Variants in KCNQ3 observed in about 807,000 individuals in gnomAD.
KCNQ3 encodes potassium voltage-gated channel subfamily Q member 3, also known as potassium voltage-gated channel subfamily KQT member 3.
KCNQ3 carries 30 observed loss-of-function variants against 92.5 expected under a neutral mutation model. That is an observed-to-expected ratio of 0.32 (90% CI 0.24 to 0.44). KCNQ3 has a LOEUF of 0.44. Ranked by LOEUF, KCNQ3 falls within the 20% of genes least tolerant of loss-of-function variation. The pLI, the probability that KCNQ3 is intolerant of heterozygous loss-of-function variation, is 1.00. For synonymous variants in KCNQ3, 450 were observed against 468.8 expected (o/e 0.96, Z 0.52); for missense variants, 913 against 1,140.3 (o/e 0.80, Z 2.87).
intron 1 of KCNQ3, among the ~76,000 whole-genome samples, chr8:132,447,501 G>A (rs1439592347): frequency 6.6e-6 from 1 of 152,172 alleles, no homozygotes; most frequent in East Asian, 1.9e-4. Flanking sequence ...AAAAAAACAG[G>A]AGAAAGAAAA....
At chr8:132,249,100 T>C (rs140790410) in intron 1 of KCNQ3, among the ~76,000 whole-genome samples, 222 of 152,218 alleles carry the variant, frequency 1.5e-3, no homozygotes, top group Middle Eastern at 6.8e-3. Flanking sequence ...ACCTTTGCGG[T>C]GAGTGTTACA....
intron 4 of KCNQ3, among the ~76,000 whole-genome samples, chr8:132,178,108 T>C (rs1274712161): frequency 6.6e-6 from 1 of 152,208 alleles, no homozygotes; most frequent in East Asian, 1.9e-4. Flanking sequence ...TATTATAGTC[T>C]AGAGGAACAC....
At chr8:132,335,262 A>T (rs1376833903) in intron 1 of KCNQ3, among the ~76,000 whole-genome samples, 1 of 151,990 alleles carries the variant, frequency 6.6e-6, no homozygotes, top group African/African-American at 2.4e-5. Flanking sequence ...CCTGGTCTCA[A>T]TCTCTTGTCA....
intron 9 of KCNQ3, among the ~76,000 whole-genome samples, chr8:132,142,950 A>G (rs1424919875): frequency 2.0e-5 from 3 of 152,192 alleles, no homozygotes; most frequent in African/African-American, 7.2e-5. Context: ...TCTGCTTCAT[A>G]GAGGGTTAGG....
intron 1 of KCNQ3, among the ~76,000 whole-genome samples, chr8:132,206,766 TTTG>T (rs1161400450): frequency 6.6e-6 from 1 of 152,202 alleles, no homozygotes; most frequent in Non-Finnish European, 1.5e-5. Flanking sequence ...GGTTTTTCAT[TTTG>T]TTTAACTTTT....
chr8:132,151,224 C>G (rs988407195), intron 9 of KCNQ3, among the ~76,000 whole-genome samples: 1 of 152,088 alleles, frequency 6.6e-6, no homozygotes, highest in Admixed American at 6.6e-5. Context: ...AGCACATAAT[C>G]AAAACAAATT....
chr8:132,370,066 T>G (rs1467317204), intron 1 of KCNQ3, among the ~76,000 whole-genome samples: 3 of 152,162 alleles, frequency 2.0e-5, no homozygotes, highest in Non-Finnish European at 2.9e-5. Context: ...TGGCTGACTC[T>G]TATATTGTGA....
intron 1 of KCNQ3, among the ~76,000 whole-genome samples, chr8:132,197,838 T>C (rs1827345387): frequency 6.6e-6 from 1 of 152,080 alleles, no homozygotes; most frequent in Non-Finnish European, 1.5e-5. Flanking sequence ...TGATGTGAGG[T>C]TTCACTTTAA....
At chr8:132,273,625 ATTTTCT>A (rs1301963255) in intron 1 of KCNQ3, among the ~76,000 whole-genome samples, 4 of 151,932 alleles carry the variant, frequency 2.6e-5, no homozygotes, top group Non-Finnish European at 5.9e-5. Flanking sequence ...AGAAAATGGG[ATTTTCT>A]TTTCTAATGT....
chr8:132,330,402 T>G (rs1586932333), intron 1 of KCNQ3, among the ~76,000 whole-genome samples: 1 of 152,178 alleles, frequency 6.6e-6, no homozygotes, highest in East Asian at 1.9e-4. Flanking sequence ...TTAAATGCCA[T>G]TTGCTCGAGG....
Position 132,186,352 on chromosome 8 carries a change from A to G in KCNQ3, c.387-171T>C, listed in dbSNP as rs1341763218. 2.0e-5 allele frequency among the ~76,000 whole-genome samples: 3 copies of G among 152,236 alleles called. No homozygotes were observed. The East Asian group carries it at 5.8e-4, about 29-fold the overall frequency. ...CACGACAAACCTGCAAGGCAGGCGGAAACAATCATCCCAGTTAAATAAAAC... is the reference window on the plus strand; with the variant it reads ...CACGACAAACCTGCAAGGCAGGCGGGAACAATCATCCCAGTTAAATAAAAC... On this transcript the variant is annotated intron_variant, in intron 1 of 14. Coordinates refer to ENST00000388996, the MANE Select transcript of KCNQ3 (RefSeq NM_004519.4).
intron 1 of KCNQ3, among the ~76,000 whole-genome samples, chr8:132,441,504 A>G (rs2130837962): frequency 6.6e-6 from 1 of 152,328 alleles, no homozygotes; most frequent in African/African-American, 2.4e-5. Flanking sequence ...CCGTGAGCCG[A>G]GATCGCACCA....
intron 1 of KCNQ3, among the ~76,000 whole-genome samples, chr8:132,262,005 T>C (rs1282176814): frequency 6.6e-6 from 1 of 152,184 alleles, no homozygotes; most frequent in Admixed American, 6.5e-5. Context: ...TATGTCCATA[T>C]GATGAATTCT....
chr8:132,300,972 C>T (rs1178514790), intron 1 of KCNQ3, among the ~76,000 whole-genome samples: 1 of 152,142 alleles, frequency 6.6e-6, no homozygotes, highest in Non-Finnish European at 1.5e-5. Flanking sequence ...GATGCCATAA[C>T]AAGGGATTAA....
intron 1 of KCNQ3, among the ~76,000 whole-genome samples, chr8:132,209,892 G>T (rs1813797490): frequency 6.6e-6 from 1 of 152,130 alleles, no homozygotes; most frequent in Admixed American, 6.5e-5. Context: ...AATTCAGTGG[G>T]CCTCTGTGTA....
intron 1 of KCNQ3, among the ~76,000 whole-genome samples, chr8:132,449,568 C>T (rs1821774015): frequency 6.6e-6 from 1 of 152,286 alleles, no homozygotes; most frequent in African/African-American, 2.4e-5. Flanking sequence ...GAAAACACAT[C>T]TCTGATGGTA....
chr8:132,347,923 G>A (rs1818744313), intron 1 of KCNQ3, among the ~76,000 whole-genome samples: 1 of 144,720 alleles, frequency 6.9e-6, no homozygotes, highest in Non-Finnish European at 1.5e-5. Context: ...CTTGCAGTGA[G>A]CCAAGAACAC....
chr8:132,408,252 T>A (rs539953027), intron 1 of KCNQ3, among the ~76,000 whole-genome samples: 90 of 152,326 alleles, frequency 5.9e-4, no homozygotes, highest in African/African-American at 2.1e-3. Flanking sequence ...TCCATGGAGA[T>A]ACTTTCAAGA....
chr8:132,255,727 T>G (rs1482548407), intron 1 of KCNQ3, among the ~76,000 whole-genome samples: 1 of 152,164 alleles, frequency 6.6e-6, no homozygotes, highest in Non-Finnish European at 1.5e-5. Flanking sequence ...TCCCAGGAAT[T>G]TAAGACAATT....
Sources: allele counts gnomAD v4.1 joint callset (sites outside exome capture counted in the v4.1 genomes callset), GRCh38; gene constraint gnomAD v4.1.1; transcripts MANE v1.5; gene names NCBI Gene and HGNC (gene_info 2026-07-23, HGNC 2026-07-21).